Variants in HYKK observed in about 807,000 individuals in gnomAD.
HYKK encodes 5-hydroxy-L-lysine kinase.
HYKK carries 19 observed loss-of-function variants against 29.7 expected under a neutral mutation model. The ratio of observed to expected loss-of-function variants is 0.64; its 90% CI spans 0.45 to 0.94. HYKK has a LOEUF of 0.94. Among genes scored for constraint, HYKK ranks in the 40% least tolerant of loss-of-function variants. The probability of loss-of-function intolerance (pLI) is 0.00; values close to 1 mark genes in which losing one functional copy is unlikely to be tolerated. For missense variants in HYKK, 390 were observed against 443.4 expected, an observed-to-expected ratio of 0.88 and a Z score of 1.08; for synonymous variants, 152 against 158.1, an observed-to-expected ratio of 0.96 and a Z score of 0.29.
Position 78,514,987 on chromosome 15 carries a change from A to G in HYKK, c.357A>G (p.Lys119=), listed in dbSNP as rs1467814562. ...ATTTAGATAGTGGCTCTGAAATCAA[A>G]AGCTACTTGGTGAGGCTGCTGACTT... is the stretch of plus-strand genomic sequence containing the variant. ...LVSVDSGSEI[K]SYLVRLLTYL... is the part of the protein sequence containing the mutation. The change falls in exon 3 of 5, where the codon AAA becomes AAG. Residue 119 remains lysine, a synonymous_variant. Coordinates refer to ENST00000388988, the MANE Select transcript of HYKK (RefSeq NM_001013619.4). The G allele has an allele frequency of 1.3e-6, 2 of 1,571,742 alleles. No homozygotes were observed. Among genetic ancestry groups the G allele is most frequent in the South Asian group, 1.2e-5 (1 of 83,434 alleles).
chr15:78,514,918 A>C (rs201889683), intron 2 of HYKK, 50 bp from the exon 3 acceptor site: 166 of 479,176 alleles, frequency 3.5e-4, no homozygotes, highest in Admixed American at 2.6e-3. Context: ...CTATATATAT[A>C]TATATATATA....
At chr15:78,510,053 C>T (rs954572898) in intron 1 of HYKK, among the ~76,000 whole-genome samples, 8 of 151,982 alleles carry the variant, frequency 5.3e-5, no homozygotes, top group African/African-American at 1.9e-4. Flanking sequence ...GGTTACCTCT[C>T]CCTTATTTTC....
chr15:78,511,647 T>C (rs767397052), intron 1 of HYKK, among the ~76,000 whole-genome samples: 1 of 151,904 alleles, frequency 6.6e-6, no homozygotes, highest in Non-Finnish European at 1.5e-5. Context: ...TCATTGAGCC[T>C]GGTGGTTGAG....
chr15:78,513,497 T>G (rs866820723), intron 2 of HYKK, 72 bp downstream of exon 2: 2 of 1,037,546 alleles, frequency 1.9e-6, no homozygotes, highest in African/African-American at 1.6e-5. Context: ...CAAGTAGAAC[T>G]ATGAAGAGCA....
At position 78,527,557 on chromosome 15, in the gene HYKK, C is replaced by T. The variant is rs759377784; in HGVS notation, c.655C>T (p.Arg219Ter). The T allele has an allele frequency of 2.6e-5, 42 of 1,613,054 alleles. No homozygotes were observed. The highest frequency in any genetic ancestry group is 2.0e-4 in the South Asian group (18 of 91,036). The change falls in exon 4 of 5, where the codon CGA becomes TGA. Residue 219 changes from arginine (R) to a stop codon, truncating the protein, a stop_gained. Coordinates refer to ENST00000388988, the MANE Select transcript of HYKK (RefSeq NM_001013619.4). LOFTEE classifies it high-confidence loss of function. ...EEVMTKLSHFRECINHGDLND... is the reference protein window; with the variant it reads ...EEVMTKLSHF ...AGTAATGACCAAATTAAGTCATTTT[C>T]GAGAATGTGAGTATTCTCCCAATTA...
At chr15:78,518,305 A>G (rs1047514226) in intron 3 of HYKK, among the ~76,000 whole-genome samples, 2 of 152,102 alleles carry the variant, frequency 1.3e-5, no homozygotes, top group Non-Finnish European at 2.9e-5. Flanking sequence ...CTCCTGCCTC[A>G]GCCTCCTGAG....
intron 1 of HYKK, among the ~76,000 whole-genome samples, chr15:78,511,299 C>A (rs1472185905): frequency 6.6e-6 from 1 of 152,162 alleles, no homozygotes; most frequent in Non-Finnish European, 1.5e-5. Context: ...GAAGCATGTT[C>A]AGAAGACCTA....
chr15:78,527,344 T>C (rs2052265289), intron 3 of HYKK, 36 bp from the exon 4 acceptor site: 2 of 1,596,786 alleles, frequency 1.3e-6, no homozygotes. Context: ...GTGGTTGCTC[T>C]GTCAAGAGAC....
chr15:78,515,652 G>A lies in HYKK; in HGVS notation c.477+545G>A, dbSNP rs910575553. ...CGTCCAGGCTGGAGTGCAGTGGCAC[G>A]ATCTTGGCTCACTGCAAGCTCTGCC... On this transcript the variant is annotated intron_variant, in intron 3 of 4. Transcript: ENST00000388988. Among the ~76,000 whole-genome samples the A allele has an allele frequency of 2.0e-5, 3 of 149,670 alleles. No individual in the cohort carries two copies. The South Asian group carries it at 6.3e-4, about 31-fold the overall frequency.
chr15:78,518,040 C>T (rs2052154440), intron 3 of HYKK, among the ~76,000 whole-genome samples: 2 of 152,176 alleles, frequency 1.3e-5, no homozygotes, highest in African/African-American at 4.8e-5. Flanking sequence ...GGTAATCTGT[C>T]CTGCAAACTC....
chr15:78,511,969 T>A (rs971042379), intron 1 of HYKK, among the ~76,000 whole-genome samples: 14 of 152,218 alleles, frequency 9.2e-5, no homozygotes, highest in Admixed American at 5.9e-4. Flanking sequence ...TTTTGGCAGA[T>A]ATTAATTTCA....
At chr15:78,528,528 T>C in intron 4 of HYKK, 1 of 984,374 alleles carries the variant, frequency 1.0e-6, no homozygotes. Context: ...ACTGGCTGGG[T>C]GTGGTGGCTC....
chr15:78,507,590 T>A lies in HYKK; in HGVS notation c.-87T>A, dbSNP rs1217399771. ...CGGGCGCTGCGGCCCCTGCTCTACCTCCTAGCGCCGGTGCGCGGCCGAGGC... is the reference window on the plus strand; with the variant it reads ...CGGGCGCTGCGGCCCCTGCTCTACCACCTAGCGCCGGTGCGCGGCCGAGGC... On this transcript the variant is annotated 5_prime_UTR_variant, in exon 1 of 5. Transcript: ENST00000388988. 6.6e-6 allele frequency: 1 copy of A among 152,304 alleles called. No individual in the cohort carries two copies. Among genetic ancestry groups the A allele is most frequent in the Admixed American group, 6.5e-5 (1 of 15,278 alleles). The allele number at this position is 152,304 out of a possible 1,614,324, so 9.4% of individuals were successfully genotyped here. A position where few individuals can be genotyped will look rare whatever the true frequency, so the allele number is the denominator to read the frequency against.
At chr15:78,524,491 G>T (rs1172665580) in intron 3 of HYKK, among the ~76,000 whole-genome samples, 1 of 152,178 alleles carries the variant, frequency 6.6e-6, no homozygotes, top group African/African-American at 2.4e-5. Context: ...TGATGGTAGG[G>T]GCTGCCACAA....
intron 2 of HYKK, 52 bp from the exon 3 acceptor site, chr15:78,514,906 CTCTATATATA>C (rs911061881): frequency 7.9e-6 from 4 of 505,296 alleles, no homozygotes; most frequent in African/African-American, 2.5e-5. Context: ...CTCTCTCTCT[CTCTATATATA>C]TATATATATA....
chr15:78,514,309 A>C (rs1317945913), intron 2 of HYKK, among the ~76,000 whole-genome samples: 1 of 152,226 alleles, frequency 6.6e-6, no homozygotes, highest in Non-Finnish European at 1.5e-5. Context: ...TCTGTGAGAC[A>C]GCCCTTTTCA....
At chr15:78,525,467 T>C (rs1596032961) in intron 3 of HYKK, among the ~76,000 whole-genome samples, 1 of 151,154 alleles carries the variant, frequency 6.6e-6, no homozygotes, top group East Asian at 2.0e-4. Flanking sequence ...AGAGGAACTT[T>C]TAAAAGAAAT....
intron 4 of HYKK, chr15:78,528,811 A>G: frequency 1.0e-5 from 10 of 983,306 alleles, no homozygotes; most frequent in Non-Finnish European, 1.2e-5. Context: ...CAAAAAAAAA[A>G]AAGGGCAAGG....
Position 78,513,334 on chromosome 15 carries a change from T to C in HYKK, c.246T>C (p.Asn82=). Residue 82 remains asparagine (N), a synonymous_variant, in exon 2 of 5, where the codon AAT becomes AAC. Transcript: ENST00000388988. ...SKNPDLIEVQ[N]HIIMFLKAAG... ...ATCCAGACCTGATTGAAGTGCAGAA[T>C]CACATCATCATGTTTCTGAAAGCCG... The C allele has an allele frequency of 6.2e-7, 1 of 1,614,158 alleles. No homozygotes were observed. Among genetic ancestry groups the C allele is most frequent in the Non-Finnish European group, 8.5e-7 (1 of 1,180,006 alleles).
Sources: allele counts gnomAD v4.1 joint callset (sites outside exome capture counted in the v4.1 genomes callset), GRCh38; gene constraint gnomAD v4.1.1; transcripts MANE v1.5; gene names NCBI Gene and HGNC (gene_info 2026-07-23, HGNC 2026-07-21).